The following SPDYE21 variants were observed in gnomAD, a reference collection of about 807,000 sequenced individuals.
The protein encoded by SPDYE21 is speedy protein E21.
SPDYE21 carries 14 observed loss-of-function variants against 36.2 expected under a neutral mutation model. The observed-to-expected ratio is 0.39, with a 90% confidence interval of 0.26 to 0.61. The LOEUF (loss-of-function observed/expected upper bound fraction) is 0.61. Ranked by LOEUF, SPDYE21 falls within the 20% of genes least tolerant of loss-of-function variation. SPDYE21 has a pLI of 0.55. For missense variants in SPDYE21, 233 were observed against 424.6 expected, an observed-to-expected ratio of 0.55 and a Z score of 3.97; for synonymous variants, 58 against 155.1, an observed-to-expected ratio of 0.37 and a Z score of 4.65.
intron 5 of SPDYE21, among the ~76,000 whole-genome samples, chr7:67,283,262 G>A (rs893752997): frequency 2.0e-5 from 3 of 148,696 alleles, no homozygotes; most frequent in African/African-American, 7.4e-5. Flanking sequence ...GCCCCCTGAG[G>A]AGCTGGGACT....
chr7:67,287,357 GTTGAA>G (rs2116516703), intron 8 of SPDYE21, among the ~76,000 whole-genome samples, 156 bp from the exon 9 acceptor site: 1 of 152,336 alleles, frequency 6.6e-6, no homozygotes, highest in East Asian at 1.9e-4. Context: ...GAGTTTCACA[GTTGAA>G]CACGATGGTT....
intron 6 of SPDYE21, among the ~76,000 whole-genome samples, chr7:67,284,285 C>G (rs2116511521): frequency 6.6e-6 from 1 of 151,578 alleles, no homozygotes; most frequent in East Asian, 2.0e-4. Flanking sequence ...CCCGTCTCTA[C>G]TAAAACTAGA....
At chr7:67,278,947 C>G (rs1449971599) in intron 2 of SPDYE21, among the ~76,000 whole-genome samples, 74 bp downstream of exon 2, 1 of 151,620 alleles carries the variant, frequency 6.6e-6, no homozygotes, top group African/African-American at 2.4e-5. Context: ...TGCGGTGGCT[C>G]ACGCCTGTAA....
chr7:67,283,754 AC>A (rs201155032), intron 5 of SPDYE21, among the ~76,000 whole-genome samples, 158 bp from the exon 6 acceptor site: 16,084 of 149,584 alleles, frequency 0.11, 986 homozygotes, highest in East Asian at 0.35. Flanking sequence ...ACCTTCGAAT[AC>A]CCCTCCATCC....
rs909878918 is a variant in SPDYE21 at position 67,286,479 on chromosome 7, G to A, written c.1149+42G>A. ...GAGGTGGAGGAGGTGGGGAGGAATC[G>A]GGTGGGCTGGAGGCTGGATGAGGGG... On this transcript the variant is annotated intron_variant, in intron 7 of 8. Coordinates refer to ENST00000424157, the MANE Select transcript of SPDYE21 (RefSeq NM_001382715.2). 7.2e-5 allele frequency among the ~76,000 whole-genome samples: 11 copies of A among 151,790 alleles called. 1 individual carries two copies. The highest frequency in any genetic ancestry group is 1.3e-4 in the Admixed American group (2 of 15,218).
rs1802768581 is a variant in SPDYE21, at chr7:67,287,881, A to G, written c.*409A>G. On this transcript the variant is annotated 3_prime_UTR_variant, in exon 9 of 9. Coordinates refer to ENST00000424157, the MANE Select transcript of SPDYE21 (RefSeq NM_001382715.2). ...ACAGTCCAGGAGCATTTGAAGGCAC[A>G]ATGCAGGGGCTCAGATTGGCACAGA... 6.6e-6 allele frequency among the ~76,000 whole-genome samples: 1 copy of G among 151,982 alleles called. No individual in the cohort carries two copies. Among genetic ancestry groups the G allele is most frequent in the African/African-American group, 2.4e-5 (1 of 41,354 alleles).
chr7:67,282,123 ACT>A (rs886941985), intron 4 of SPDYE21, among the ~76,000 whole-genome samples: 2 of 152,152 alleles, frequency 1.3e-5, no homozygotes, highest in African/African-American at 4.8e-5. Context: ...ACAGAGCAAG[ACT>A]CTGTCTCAAA....
intron 4 of SPDYE21, among the ~76,000 whole-genome samples, chr7:67,281,991 G>A (rs1802648460): frequency 6.6e-6 from 1 of 151,866 alleles, no homozygotes; most frequent in Non-Finnish European, 1.5e-5. Flanking sequence ...ACCAAGGCTG[G>A]GCACAGTAGC....
chr7:67,278,242 G>A lies in SPDYE21; in HGVS notation c.-422-50G>A, dbSNP rs1423916896. ...AATCTCACTCTTATAAGGTTTCATC[G>A]TTTCTGCTTACCCTAGTTTTCTTTC... On this transcript the variant is annotated intron_variant, in intron 1 of 8. Coordinates refer to ENST00000424157, the MANE Select transcript of SPDYE21 (RefSeq NM_001382715.2). 3.3e-4 allele frequency among the ~76,000 whole-genome samples: 27 copies of A among 82,480 alleles called. 1 individual carries two copies. Among genetic ancestry groups the A allele is most frequent in the East Asian group, 5.1e-4 (1 of 1,950 alleles). The allele number at this position is 82,480 out of a possible 152,430, so 54.1% of individuals were successfully genotyped here. A position where few individuals can be genotyped will look rare whatever the true frequency, so the allele number is the denominator to read the frequency against.
At chr7:67,277,284 CCTGACCTCAAGTGATCCACCCA>C (rs1802556487) in intron 1 of SPDYE21, among the ~76,000 whole-genome samples, 1 of 151,626 alleles carries the variant, frequency 6.6e-6, no homozygotes, top group South Asian at 2.1e-4. Context: ...GTCTCAAACT[CCTGACCTCAAGTGATCCACCCA>C]CTTTGGCCTC....
intron 8 of SPDYE21, among the ~76,000 whole-genome samples, chr7:67,287,103 TA>T (rs200567152): frequency 0.018 from 2,786 of 152,288 alleles, 80 homozygotes; most frequent in African/African-American, 0.064. Context: ...GAGGTAGGAT[TA>T]AGGATTAGGC....
rs1584746672 is a variant in SPDYE21, at chr7:67,279,679, G to A, written c.161-139G>A. The A allele has an allele frequency of 1.5e-5, 24 of 1,585,226 alleles. No individual in the cohort carries two copies. In the African/African-American group the frequency reaches 1.6e-4, roughly 11 times the overall value. On this transcript the variant is annotated intron_variant, in intron 2 of 8. Coordinates refer to ENST00000424157, the MANE Select transcript of SPDYE21 (RefSeq NM_001382715.2). Reference sequence around the variant, plus strand: ...GAGCGGCACATGGGGTTGAGCAGAGGAGAAAATCAGACAGATGGCTTAGAG... The same window carrying A: ...GAGCGGCACATGGGGTTGAGCAGAGAAGAAAATCAGACAGATGGCTTAGAG...
In SPDYE21 at chr7:67,280,691, C is replaced by CAAAAAA. The variant is rs1180256690; in HGVS notation, c.380-650_380-645dup. Among the ~76,000 whole-genome samples the CAAAAAA allele has an allele frequency of 2.4e-3, 36 of 15,046 alleles. 8 individuals carry two copies. Among genetic ancestry groups the CAAAAAA allele is most frequent in the Non-Finnish European group, 2.6e-3 (23 of 8,780 alleles). The allele number at this position is 15,046 out of a possible 152,430, so 9.9% of individuals were successfully genotyped here. ...TGGGTGAGAGAGTGAGAAGCTGTCT[C>CAAAAAA]AAAAAAAAAAAAAAAAAAAAAAAAA... On this transcript the variant is annotated intron_variant, in intron 3 of 8. Coordinates refer to ENST00000424157, the MANE Select transcript of SPDYE21 (RefSeq NM_001382715.2).
intron 2 of SPDYE21, 46 bp from the exon 3 acceptor site, chr7:67,279,772 G>T (rs1802599924): frequency 1.3e-6 from 2 of 1,593,600 alleles, no homozygotes; most frequent in Non-Finnish European, 1.7e-6. Context: ...GGTCTAAGGT[G>T]ATCAGATGCA....
At chr7:67,281,099 C>CAACAA (rs1353730949) in intron 3 of SPDYE21, among the ~76,000 whole-genome samples, 3 of 43,764 alleles carry the variant, frequency 6.9e-5, no homozygotes, top group African/African-American at 2.6e-4. Flanking sequence ...ACAACAACAA[C>CAACAA]AAAAAAAAAA....
chr7:67,281,099 C>CA (rs3972832), intron 3 of SPDYE21, among the ~76,000 whole-genome samples: 1,173 of 43,864 alleles, frequency 0.027, 25 homozygotes, highest in Non-Finnish European at 0.028. Context: ...ACAACAACAA[C>CA]AAAAAAAAAA....
At chr7:67,284,321 C>A (rs1387742924) in intron 6 of SPDYE21, among the ~76,000 whole-genome samples, 1 of 151,518 alleles carries the variant, frequency 6.6e-6, no homozygotes, top group East Asian at 1.9e-4. Flanking sequence ...TGGTGGTGTG[C>A]ATCTGTAATC....
At position 67,286,322 on chromosome 7, in the gene SPDYE21, T is replaced by A; in HGVS notation, c.1034T>A (p.Met345Lys). Reference protein sequence around the residue: ...RKRRFQLRRCMNPRARKNRSQ... With the variant: ...RKRRFQLRRCKNPRARKNRSQ... ...CGTCGGTTCCAGTTACGCCGTTGCA[T>A]GAACCCGAGGGCCAGGAAGAACCGC... Residue 345 changes from methionine to lysine, a missense_variant, in exon 7 of 9, where the codon ATG becomes AAG. Met to Lys is a moderately conservative substitution (Grantham distance 95). Transcript: ENST00000424157. The A allele has an allele frequency of 6.2e-7, 1 of 1,613,730 alleles. No homozygotes were observed.
intron 5 of SPDYE21, among the ~76,000 whole-genome samples, 171 bp from the exon 6 acceptor site, chr7:67,283,742 C>T (rs1488475589): frequency 1.3e-5 from 2 of 148,810 alleles, no homozygotes; most frequent in South Asian, 4.4e-4. Flanking sequence ...GATTTGCATC[C>T]GACCTTCGAA....
Sources: gnomAD v4.1 joint callset for allele counts (sites outside exome capture counted in the v4.1 genomes callset) on GRCh38, gnomAD v4.1.1 for gene constraint, MANE v1.5 for transcripts, NCBI Gene and HGNC (gene_info 2026-07-23, HGNC 2026-07-21) for gene names.